Variants in SEH1L observed in about 807,000 individuals in gnomAD.
The protein encoded by SEH1L is SEH1 like nucleoporin, also known as nucleoporin SEH1.
Under a neutral mutation model 49.5 loss-of-function variants are expected in SEH1L, and 18 were observed. The observed-to-expected ratio is 0.36, with a 90% CI of 0.25 to 0.54. SEH1L has a LOEUF of 0.54. Among genes scored for constraint, SEH1L ranks in the 20% least tolerant of loss-of-function variants. SEH1L has a pLI of 0.87. For missense variants in SEH1L, 404 were observed against 528.8 expected (o/e 0.76, Z 2.31); for synonymous variants, 169 against 178.1 (o/e 0.95, Z 0.41).
intron 8 of SEH1L, chr18:12,985,939 T>G: frequency 5.5e-6 from 5 of 904,284 alleles, no homozygotes; most frequent in Non-Finnish European, 6.6e-6. Flanking sequence ...ATGGAAACAC[T>G]TTTTTTATAA....
chr18:12,954,245 G>A (rs1330052650), intron 2 of SEH1L, among the ~76,000 whole-genome samples: 3 of 152,160 alleles, frequency 2.0e-5, no homozygotes, highest in Non-Finnish European at 2.9e-5. Flanking sequence ...TCCCTGAGAA[G>A]CACCTAGCAA....
At chr18:12,959,915 A>G (rs1353718704) in intron 3 of SEH1L, among the ~76,000 whole-genome samples, 2 of 152,286 alleles carry the variant, frequency 1.3e-5, no homozygotes, top group Admixed American at 1.3e-4. Flanking sequence ...GAGATAGAGA[A>G]AGGTTTATTC....
At chr18:12,971,111 A>G (rs562953092) in intron 4 of SEH1L, 42 bp from the exon 5 acceptor site, 1 of 1,370,594 alleles carries the variant, frequency 7.3e-7, no homozygotes, top group South Asian at 1.2e-5. Context: ...TGAAATGTGT[A>G]TTTCTTTTGT....
Position 12,986,943 on chromosome 18 carries a change from T to G in SEH1L, c.1152T>G (p.Pro384=). Residue 384 remains proline, a synonymous_variant, in exon 9 of 9, where the codon CCT becomes CCG. Transcript: ENST00000399892. The part of the protein sequence containing the change: ...SYAQLLPPPP[P]PLVEHSCDAD... ...CCCAGCTCCTTCCTCCTCCTCCTCC[T>G]CCTCTGGTAGAGCACTCTTGCGATG... is the stretch of plus-strand genomic sequence containing the variant. 1 of 1,613,902 alleles carries G rather than the reference T, an allele frequency of 6.2e-7. No homozygotes were observed. Among genetic ancestry groups the G allele is most frequent in the Non-Finnish European group, 8.5e-7 (1 of 1,179,866 alleles).
intron 5 of SEH1L, chr18:12,973,597 G>A (rs2031791981): frequency 6.6e-6 from 1 of 152,196 alleles, no homozygotes. Context: ...ACCACGGCCG[G>A]CCTAGAAATT....
At chr18:12,950,489 T>C (rs2030452781) in intron 1 of SEH1L, among the ~76,000 whole-genome samples, 1 of 152,246 alleles carries the variant, frequency 6.6e-6, no homozygotes, top group Non-Finnish European at 1.5e-5. Context: ...TTTATTGATT[T>C]CCTCTGTTTT....
intron 5 of SEH1L, chr18:12,977,328 G>C (rs1455290446): frequency 6.6e-6 from 1 of 152,204 alleles, no homozygotes; most frequent in Non-Finnish European, 1.5e-5. Context: ...AGAAAACTCT[G>C]ATCTACCACT....
At chr18:12,979,601 G>T (rs1239130585) in intron 6 of SEH1L, among the ~76,000 whole-genome samples, 1 of 152,098 alleles carries the variant, frequency 6.6e-6, no homozygotes. Flanking sequence ...CCCAGACGGG[G>T]TGGTGGCTGG....
intron 1 of SEH1L, among the ~76,000 whole-genome samples, chr18:12,949,190 G>C (rs2030335760): frequency 6.6e-6 from 1 of 151,534 alleles, no homozygotes; most frequent in South Asian, 2.1e-4. Flanking sequence ...TCTAATGTGG[G>C]GATGCTACAT....
At chr18:12,979,435 T>C (rs9748528) in intron 6 of SEH1L, among the ~76,000 whole-genome samples, 99,088 of 142,410 alleles carry the variant, frequency 0.7, 35,588 homozygotes, top group African/African-American at 0.88. Flanking sequence ...TTTCTTAGTA[T>C]AGAACAAAAT....
intron 2 of SEH1L, among the ~76,000 whole-genome samples, chr18:12,952,355 C>G (rs1474042514): frequency 6.6e-6 from 1 of 151,824 alleles, no homozygotes; most frequent in Non-Finnish European, 1.5e-5. Flanking sequence ...GCCTCAGCCT[C>G]CCAAGTAGCT....
rs1203673557 is a variant in SEH1L, at chr18:12,948,053, T to C, written c.-69T>C. 1 of 1,221,258 alleles carries C rather than the reference T, an allele frequency of 8.2e-7. No individual in the cohort carries two copies. Among genetic ancestry groups the C allele is most frequent in the East Asian group, 2.5e-5 (1 of 40,548 alleles). 75.7% of individuals were successfully genotyped at this position (1,221,258 alleles called of 1,614,324 possible). A position where few individuals can be genotyped will look rare whatever the true frequency, so the allele number is the denominator to read the frequency against. On this transcript the variant is annotated 5_prime_UTR_variant, in exon 1 of 9. Coordinates refer to ENST00000399892, the MANE Select transcript of SEH1L (RefSeq NM_001013437.2). The stretch of plus-strand genomic sequence containing the variant: ...CCCGGGCTGCGAGGTCTGGCTAGGC[T>C]ACGGGCCACGCGCCGCCGCCGCTGC...
Position 12,948,064 on chromosome 18 carries a change from C to CGCCGCCGCCGCT in SEH1L, c.-48_-37dup, listed in dbSNP as rs898434963. ...AGGTCTGGCTAGGCTACGGGCCACG[C>CGCCGCCGCCGCT]GCCGCCGCCGCTGCCGCCGCCACTG... is the stretch of plus-strand genomic sequence containing the variant. On this transcript the variant is annotated 5_prime_UTR_variant, in exon 1 of 9. Transcript: ENST00000399892. The CGCCGCCGCCGCT allele has an allele frequency of 2.5e-5, 34 of 1,364,544 alleles. No individual in the cohort carries two copies. The highest frequency in any genetic ancestry group is 1.8e-4 in the Middle Eastern group (1 of 5,472). The allele number at this position is 1,364,544 out of a possible 1,614,324, so 84.5% of individuals were successfully genotyped here. A position where few individuals can be genotyped will look rare whatever the true frequency, so the allele number is the denominator to read the frequency against.
intron 5 of SEH1L, chr18:12,974,022 A>AAGAGAGTGAGAC (rs2031809564): frequency 6.6e-6 from 1 of 152,200 alleles, no homozygotes; most frequent in African/African-American, 2.4e-5. Context: ...CCTTAGCTGC[A>AAGAGAGTGAGAC]AGAGAGTGAG....
intron 1 of SEH1L, among the ~76,000 whole-genome samples, chr18:12,949,049 CAG>C (rs761533294): frequency 8.6e-5 from 13 of 151,010 alleles, no homozygotes; most frequent in East Asian, 3.9e-4. Context: ...TTAGTAGAGA[CAG>C]AGTTTCACCA....
chr18:12,982,414 T>G, intron 6 of SEH1L, 104 bp from the exon 7 acceptor site: 1 of 783,202 alleles, frequency 1.3e-6, no homozygotes, highest in Non-Finnish European at 2.0e-6. Context: ...CGAGACCACT[T>G]GTATTAATTT....
intron 3 of SEH1L, among the ~76,000 whole-genome samples, chr18:12,958,064 C>CTTTTTTTTTTTTTTTTTTTTTTTTTTTTT (rs57733399): frequency 1.6e-5 from 1 of 62,036 alleles, no homozygotes; most frequent in African/African-American, 6.4e-5. Flanking sequence ...CTCATTTTAA[C>CTTTTTTTTTTTTTTTTTTTTTTTTTTTTT]TTTTTTTTTT....
At chr18:12,969,408 G>T (rs1378861850) in intron 4 of SEH1L, among the ~76,000 whole-genome samples, 2 of 151,676 alleles carry the variant, frequency 1.3e-5, no homozygotes, top group African/African-American at 4.8e-5. Flanking sequence ...AAAAAATCTT[G>T]GCCAGGCATG....
intron 1 of SEH1L, among the ~76,000 whole-genome samples, chr18:12,949,198 C>T (rs2030336827): frequency 6.6e-6 from 1 of 151,370 alleles, no homozygotes; most frequent in South Asian, 2.1e-4. Flanking sequence ...GGGGATGCTA[C>T]ATGAGATTTA....
Sources: gnomAD v4.1 joint callset for allele counts (sites outside exome capture counted in the v4.1 genomes callset) on GRCh38, gnomAD v4.1.1 for gene constraint, MANE v1.5 for transcripts, NCBI Gene and HGNC (gene_info 2026-07-23, HGNC 2026-07-21) for gene names.